Variants in GIMAP8 observed in about 807,000 individuals in gnomAD.
GIMAP8 encodes GTPase IMAP family member 8.
Under a neutral mutation model 35.6 loss-of-function variants are expected in GIMAP8, and 29 were observed. The ratio of observed to expected loss-of-function variants is 0.81; its 90% CI spans 0.61 to 1.11. The LOEUF is 1.11. GIMAP8 is among the 50% of genes most tolerant of loss of function. GIMAP8 has a pLI of 0.00. For synonymous variants in GIMAP8, 335 were observed against 308.7 expected, an observed-to-expected ratio of 1.09 and a Z score of -0.89; for missense variants, 811 against 805.0, an observed-to-expected ratio of 1.01 and a Z score of -0.09.
In GIMAP8 at chr7:150,479,133, A is replaced by G. The variant is rs1212553450; in HGVS notation, c.*1353A>G. 6.6e-6 allele frequency: 1 copy of G among 152,172 alleles called. No homozygotes were observed. Among genetic ancestry groups the G allele is most frequent in the Non-Finnish European group, 1.5e-5 (1 of 68,044 alleles). 9.4% of individuals were successfully genotyped at this position (152,172 alleles called of 1,614,324 possible). On this transcript the variant is annotated 3_prime_UTR_variant, in exon 5 of 5. Coordinates refer to ENST00000307271, the MANE Select transcript of GIMAP8 (RefSeq NM_175571.4). The stretch of plus-strand genomic sequence containing the variant: ...AAATGTGTGTGCCGTAGACACAAAG[A>G]AGGGAACAATAGACACCAGGGTATA...
At position 150,467,091 on chromosome 7, in the gene GIMAP8, T is replaced by G; in HGVS notation, c.393T>G (p.Ile131Met). The G allele has an allele frequency of 6.2e-7, 1 of 1,614,184 alleles. No individual in the cohort carries two copies. Among genetic ancestry groups the G allele is most frequent in the Non-Finnish European group, 8.5e-7 (1 of 1,180,030 alleles). The change falls in exon 2 of 5, where the codon ATT (isoleucine) becomes ATG (methionine). Residue 131 changes from isoleucine (I) to methionine (M), a missense_variant. Transcript: ENST00000307271. ...FGAEARRHII[I>M]VFTRKDDLGD... ...CTGAAGCCAGGAGGCACATCATTAT[T>G]GTCTTCACTCGGAAGGATGATTTGG...
intron 1 of GIMAP8, among the ~76,000 whole-genome samples, chr7:150,463,069 A>T (rs914275132): frequency 2.0e-5 from 3 of 152,052 alleles, no homozygotes; most frequent in Admixed American, 1.3e-4. Flanking sequence ...ATTTTAAAAG[A>T]CCTGCCTTCA....
At chr7:150,461,766 T>A (rs1258425799) in intron 1 of GIMAP8, among the ~76,000 whole-genome samples, 3 of 152,242 alleles carry the variant, frequency 2.0e-5, no homozygotes, top group Admixed American at 2.0e-4. Context: ...TTTAAATTGG[T>A]GAATTTAATC....
At position 150,471,717 on chromosome 7, in the gene GIMAP8, G is replaced by A. The variant is rs1370929682; in HGVS notation, c.682+843G>A. Among the ~76,000 whole-genome samples the A allele has an allele frequency of 7.2e-5, 11 of 151,828 alleles. No individual in the cohort carries two copies. The East Asian group carries it at 7.8e-4, about 11-fold the overall frequency. ...CCAGGCATGGTAGTGCGTGCCTGTC[G>A]TCTCAGCTACTCGGGAGGCTAAGAC... is the stretch of plus-strand genomic sequence containing the variant. On this transcript the variant is annotated intron_variant, in intron 3 of 4. Transcript: ENST00000307271.
Position 150,466,915 on chromosome 7 carries a change from A to G in GIMAP8, c.217A>G (p.Ile73Val). The G allele has an allele frequency of 6.2e-7, 1 of 1,614,248 alleles. No individual in the cohort carries two copies. The highest frequency in any genetic ancestry group is 8.5e-7 in the Non-Finnish European group (1 of 1,180,044). Residue 73 changes from isoleucine to valine, a missense_variant, in exon 2 of 5, where the codon ATA becomes GTA. By Grantham distance (29) the Ile-to-Val change is conservative. Transcript: ENST00000307271. Reference sequence around the variant, plus strand: ...TGACACCCCTGACCTTTTCTCCTCAATAGCTTGTGCTGAAGACAAGCAACG... The same window carrying G: ...TGACACCCCTGACCTTTTCTCCTCAGTAGCTTGTGCTGAAGACAAGCAACG... Reference protein sequence around the residue: ...VIDTPDLFSSIACAEDKQRNI... With the variant: ...VIDTPDLFSSVACAEDKQRNI...
At chr7:150,457,414 C>T (rs1261570306) in intron 1 of GIMAP8, among the ~76,000 whole-genome samples, 1 of 152,202 alleles carries the variant, frequency 6.6e-6, no homozygotes, top group African/African-American at 2.4e-5. Flanking sequence ...TGTTTATGGA[C>T]AGGCTTGGGG....
At chr7:150,471,147 C>T (rs912165313) in intron 3 of GIMAP8, among the ~76,000 whole-genome samples, 2 of 152,308 alleles carry the variant, frequency 1.3e-5, no homozygotes, top group Admixed American at 1.3e-4. Context: ...TCTTTCCTAA[C>T]TCAGACTCTT....
Position 150,474,270 on chromosome 7 carries a change from CAGAAGTT to C in GIMAP8, c.946_952del (p.Val316AsnfsTer13). On this transcript the variant is annotated frameshift_variant, in exon 4 of 5. Coordinates refer to ENST00000307271, the MANE Select transcript of GIMAP8 (RefSeq NM_175571.4). LOFTEE classifies it high-confidence loss of function. ...ATCTCATCTTTAAAGAACATTGACTCAGAAGTTAGAAAACACATCTGTACAGGCCCCC... is the reference window on the plus strand; with the variant it reads ...ATCTCATCTTTAAAGAACATTGACTCAGAAAACACATCTGTACAGGCCCCC... 10 of 1,614,164 alleles carry C rather than the reference CAGAAGTT, an allele frequency of 6.2e-6. No homozygotes were observed. The highest frequency in any genetic ancestry group is 8.5e-6 in the Non-Finnish European group (10 of 1,180,008).
At position 150,470,989 on chromosome 7, in the gene GIMAP8, C is replaced by T. The variant is rs1802079108; in HGVS notation, c.682+115C>T. The T allele has an allele frequency of 3.8e-6, 3 of 794,304 alleles. No individual in the cohort carries two copies. In the South Asian group the frequency reaches 4.5e-5, roughly 12 times the overall value. 49.2% of individuals were successfully genotyped at this position (794,304 alleles called of 1,614,324 possible). ...TAAACCAGAAAATTCACCCTGGGGA[C>T]CTAGCTGAGGTTGGTTCCCACAAGC... On this transcript the variant is annotated intron_variant, in intron 3 of 4. Transcript: ENST00000307271.
At position 150,477,287 on chromosome 7, in the gene GIMAP8, A is replaced by G; in HGVS notation, c.1505A>G (p.Asp502Gly). ...ACTCCTTCCTTCAACCAGATGCTGG[A>G]TGTCGAAAAGGACCCATCCCGGTTA... is the stretch of plus-strand genomic sequence containing the variant. ...VDTPSFNQML[D>G]VEKDPSRLEE... The change falls in exon 5 of 5, where the codon GAT becomes GGT. Residue 502 changes from aspartate to glycine, a missense_variant. Asp to Gly is a moderately conservative substitution (Grantham distance 94). Transcript: ENST00000307271. The G allele has an allele frequency of 1.2e-6, 2 of 1,614,058 alleles. No homozygotes were observed. The highest frequency in any genetic ancestry group is 1.3e-5 in the African/African-American group (1 of 75,028).
rs754306507 is a variant in GIMAP8, at chr7:150,477,479, G to A, written c.1697G>A (p.Arg566Gln). The A allele has an allele frequency of 4.3e-6, 7 of 1,614,050 alleles. No homozygotes were observed. The highest frequency in any genetic ancestry group is 3.3e-5 in the Admixed American group (2 of 60,006). The change falls in exon 5 of 5, where the codon CGG (arginine) becomes CAG (glutamine). Residue 566 changes from arginine to glutamine, a missense_variant. Arg to Gln is a conservative substitution (Grantham distance 43, BLOSUM62 1). Transcript: ENST00000307271. ...AAATACGCGATTATGCTGTTCACCC[G>A]GAAGGAAGACCTAGGGGCGGGGAAT... is the stretch of plus-strand genomic sequence containing the variant. The part of the protein sequence containing the change: ...FTKYAIMLFT[R>Q]KEDLGAGNLE...
rs1802113616 is a variant in GIMAP8 at position 150,472,486 on chromosome 7, A to G, written c.683-1526A>G. Among the ~76,000 whole-genome samples the G allele has an allele frequency of 6.6e-6, 1 of 152,080 alleles. No homozygotes were observed. The highest frequency in any genetic ancestry group is 1.5e-5 in the Non-Finnish European group (1 of 68,016). Reference sequence around the variant, plus strand: ...GAAGACTCGTGTCTGATTTTCTGTAATACTGTGGATGAGAGACAGGAGGGT... The same window carrying G: ...GAAGACTCGTGTCTGATTTTCTGTAGTACTGTGGATGAGAGACAGGAGGGT... On this transcript the variant is annotated intron_variant, in intron 3 of 4. Transcript: ENST00000307271. This position sits in a 1 kb window ranked among gnomAD's most constrained non-coding sequence, Gnocchi z 4.1.
intron 1 of GIMAP8, among the ~76,000 whole-genome samples, chr7:150,464,381 T>A (rs1415756966): frequency 1.3e-5 from 2 of 152,210 alleles, no homozygotes; most frequent in Admixed American, 1.3e-4. Flanking sequence ...CAAATGTATG[T>A]GTGTATGAGG....
In GIMAP8 at chr7:150,477,560, A is replaced by C; in HGVS notation, c.1778A>C (p.Lys593Thr). 1 of 1,614,222 alleles carries C rather than the reference A, an allele frequency of 6.2e-7. No homozygotes were observed. The highest frequency in any genetic ancestry group is 8.5e-7 in the Non-Finnish European group (1 of 1,180,044). The change falls in exon 5 of 5, where the codon AAG becomes ACG. Residue 593 changes from lysine to threonine, a missense_variant. Physicochemically the swap from Lys to Thr is moderately conservative, Grantham distance 78. Coordinates refer to ENST00000307271, the MANE Select transcript of GIMAP8 (RefSeq NM_175571.4). ...DNKALRRIFK[K>T]CGRRVCAFNN... ...AAAGCCCTTCGGCGCATTTTTAAAA[A>C]GTGTGGGCGGCGAGTTTGTGCTTTT...
rs1476086061 is a variant in GIMAP8 at position 150,478,159 on chromosome 7, A to G, written c.*379A>G. 2 of 208,376 alleles carry G rather than the reference A, an allele frequency of 9.6e-6. No homozygotes were observed. Among genetic ancestry groups the G allele is most frequent in the Non-Finnish European group, 2.0e-5 (2 of 102,264 alleles). The allele number at this position is 208,376 out of a possible 1,614,324, so 12.9% of individuals were successfully genotyped here. ...ATGAGAATATAGATAGTCGTACAAC[A>G]ACCCAGGGGATCCAGATACATGAGA... On this transcript the variant is annotated 3_prime_UTR_variant, in exon 5 of 5. Coordinates refer to ENST00000307271, the MANE Select transcript of GIMAP8 (RefSeq NM_175571.4).
At chr7:150,469,035 A>G (rs1024306143) in intron 2 of GIMAP8, among the ~76,000 whole-genome samples, 3 of 151,868 alleles carry the variant, frequency 2.0e-5, no homozygotes, top group Non-Finnish European at 4.4e-5. Context: ...CTACAATGAA[A>G]CCCTCTGGTT....
chr7:150,472,028 C>T lies in GIMAP8; in HGVS notation c.682+1154C>T, dbSNP rs1366861562. Among the ~76,000 whole-genome samples, 3 of 152,128 alleles carry T rather than the reference C, an allele frequency of 2.0e-5. No individual in the cohort carries two copies. The highest frequency in any genetic ancestry group is 4.8e-5 in the African/African-American group (2 of 41,422). On this transcript the variant is annotated intron_variant, in intron 3 of 4. Coordinates refer to ENST00000307271, the MANE Select transcript of GIMAP8 (RefSeq NM_175571.4). The surrounding 1 kb of genome is among the most constrained non-coding windows in gnomAD (Gnocchi z 4.1). ...AGCTGAGTGCACTCAGCCAGAAATACGTGTACTCAGGCAGAAGGGTTTCAA... is the reference window on the plus strand; with the variant it reads ...AGCTGAGTGCACTCAGCCAGAAATATGTGTACTCAGGCAGAAGGGTTTCAA...
intron 1 of GIMAP8, among the ~76,000 whole-genome samples, chr7:150,464,430 C>T (rs1801908056): frequency 6.6e-6 from 1 of 152,152 alleles, no homozygotes; most frequent in African/African-American, 2.4e-5. Flanking sequence ...GTCTGTAATC[C>T]TAACACTTTG....
intron 1 of GIMAP8, among the ~76,000 whole-genome samples, chr7:150,465,593 G>A (rs1801937801): frequency 6.6e-6 from 1 of 152,176 alleles, no homozygotes; most frequent in African/African-American, 2.4e-5. Context: ...GTCAAACAAG[G>A]TGGGGCCTGA....
Sources: gnomAD v4.1 joint callset for allele counts (sites outside exome capture counted in the v4.1 genomes callset) on GRCh38, gnomAD v4.1.1 for gene constraint, Gnocchi (gnomAD v3.1) non-coding constraint, MANE v1.5 for transcripts, NCBI Gene and HGNC (gene_info 2026-07-23, HGNC 2026-07-21) for gene names.